Variants in CFAP99 observed in about 807,000 individuals in gnomAD.
CFAP99 encodes the protein cilia- and flagella-associated protein 99.
CFAP99 carries 84 observed loss-of-function variants against 82.7 expected under a neutral mutation model. The observed-to-expected ratio is 1.02, with a 90% CI of 0.85 to 1.22. The LOEUF is 1.22. Among genes scored for constraint, CFAP99 ranks in the 50% most tolerant of loss-of-function variants. The probability of loss-of-function intolerance (pLI) is 0.00; values close to 1 mark genes in which losing one functional copy is unlikely to be tolerated. For missense variants in CFAP99, 1,059 were observed against 983.5 expected (o/e 1.08, Z -1.03); for synonymous variants, 456 against 429.5 (o/e 1.06, Z -0.76).
chr4:2,450,866 G>A (rs1734283366), intron 8 of CFAP99, 81 bp from the exon 9 acceptor site: 1 of 1,229,116 alleles, frequency 8.1e-7, no homozygotes, highest in Admixed American at 2.0e-5. Context: ...AGGGTGCTGG[G>A]CCAGCATCCA....
rs1734258264 is a variant in CFAP99, at chr4:2,449,767, C to G, written c.723+17C>G. The G allele has an allele frequency of 1.3e-6, 2 of 1,535,964 alleles. No individual in the cohort carries two copies. The highest frequency in any genetic ancestry group is 1.7e-6 in the Non-Finnish European group (2 of 1,146,714). On this transcript the variant is annotated intron_variant, in intron 7 of 14. Transcript: ENST00000635017. ...AAGGCCGAGGTGAGCTGTGTGCGACCCCTGCCTTCCTAGAGACCCCATATG... is the reference window on the plus strand; with the variant it reads ...AAGGCCGAGGTGAGCTGTGTGCGACGCCTGCCTTCCTAGAGACCCCATATG...
intron 5 of CFAP99, 21 bp downstream of exon 5, chr4:2,443,263 TG>T (rs1281591424): frequency 1.4e-6 from 2 of 1,473,988 alleles, no homozygotes; most frequent in African/African-American, 1.4e-5. Context: ...TGGGGGGCTC[TG>T]GGGGCCCTGA....
At chr4:2,456,542 G>A (rs1297926926) in intron 11 of CFAP99, among the ~76,000 whole-genome samples, 2 of 152,160 alleles carry the variant, frequency 1.3e-5, no homozygotes, top group South Asian at 2.1e-4. Flanking sequence ...TTTTTGAGAC[G>A]GAGTTTCACT....
chr4:2,425,898 C>T (rs2108708949), intron 1 of CFAP99, among the ~76,000 whole-genome samples: 1 of 152,252 alleles, frequency 6.6e-6, no homozygotes, highest in East Asian at 1.9e-4. Flanking sequence ...CCCTGTTCCC[C>T]CATCGTCAGG....
intron 14 of CFAP99, among the ~76,000 whole-genome samples, chr4:2,460,808 G>A (rs2108738186): frequency 6.6e-6 from 1 of 152,206 alleles, no homozygotes; most frequent in African/African-American, 2.4e-5. Flanking sequence ...GGAGTGCAGT[G>A]GCGCAATCTC....
chr4:2,418,984 G>C lies in CFAP99; in HGVS notation c.-127G>C, dbSNP rs1253357765. On this transcript the variant is annotated 5_prime_UTR_variant, in exon 1 of 15. Coordinates refer to ENST00000635017, the Ensembl canonical transcript of CFAP99. This position sits in a 1 kb window ranked among gnomAD's most constrained non-coding sequence, Gnocchi z 4.6. ...AACAGCCGCGGCGTCCTGCCTACCG[G>C]GAGCTGACGGACGACGACTGCCAAC... 6.6e-6 allele frequency: 1 copy of C among 152,160 alleles called. No individual in the cohort carries two copies. The allele number at this position is 152,160 out of a possible 1,614,324, so 9.4% of individuals were successfully genotyped here.
At chr4:2,433,433 G>C (rs1049530874) in intron 2 of CFAP99, among the ~76,000 whole-genome samples, 1 of 151,080 alleles carries the variant, frequency 6.6e-6, no homozygotes, top group Non-Finnish European at 1.5e-5. Flanking sequence ...GGGGCGGGGG[G>C]GGGACCAGTG....
chr4:2,434,835 GCC>G (rs1394071162), intron 2 of CFAP99, among the ~76,000 whole-genome samples: 2 of 152,230 alleles, frequency 1.3e-5, no homozygotes, highest in African/African-American at 4.8e-5. Context: ...CAGGCCTCCA[GCC>G]CCTGCACTGC....
In CFAP99 at chr4:2,452,355, C is replaced by T. The variant is rs1234352631; in HGVS notation, c.1161+9C>T. The T allele has an allele frequency of 3.9e-6, 6 of 1,532,462 alleles. No individual in the cohort carries two copies. The highest frequency in any genetic ancestry group is 2.0e-5 in the Admixed American group (1 of 50,958). The allele number at this position is 1,532,462 out of a possible 1,614,324, so 94.9% of individuals were successfully genotyped here. On this transcript the variant is annotated intron_variant, in intron 11 of 14. Transcript: ENST00000635017. ...AGCAGCAGAAGGAGCAGGTGGGTGC[C>T]ATGCAGGGCAGCTGGGCATGGGGCA... is the stretch of plus-strand genomic sequence containing the variant.
At chr4:2,437,947 A>G (rs1175136596) in intron 3 of CFAP99, 123 bp from the exon 4 acceptor site, 2 of 601,914 alleles carry the variant, frequency 3.3e-6, no homozygotes, top group East Asian at 5.7e-5. Flanking sequence ...GTGGGCACCA[A>G]TAGGGTGGGG....
chr4:2,434,387 G>T (rs1733865652), intron 2 of CFAP99, among the ~76,000 whole-genome samples: 1 of 152,342 alleles, frequency 6.6e-6, no homozygotes, highest in African/African-American at 2.4e-5. Context: ...ATATGTGGAG[G>T]TTGAGAAGAT....
Position 2,462,870 on chromosome 4 carries a change from G to T in CFAP99, c.2089G>T (p.Ala697Ser). The change falls in exon 15 of 15, where the codon GCG becomes TCG. Residue 697 changes from alanine to serine, a missense_variant. By Grantham distance (99) the Ala-to-Ser change is moderately conservative (BLOSUM62 1). Coordinates refer to ENST00000635017, the Ensembl canonical transcript of CFAP99. The surrounding 1 kb of genome is among the most constrained non-coding windows in gnomAD (Gnocchi z 4.1). ...GCGGAGCCGCGAGCGCAGGCTGCAG[G>T]CGCTGCAGCAGGGAGGCTCAGGACC... 7.2e-7 allele frequency: 1 copy of T among 1,390,346 alleles called. No homozygotes were observed. Among genetic ancestry groups the T allele is most frequent in the Non-Finnish European group, 9.3e-7 (1 of 1,071,838 alleles). The allele number at this position is 1,390,346 out of a possible 1,614,324, so 86.1% of individuals were successfully genotyped here. A position where few individuals can be genotyped will look rare whatever the true frequency, so the allele number is the denominator to read the frequency against.
chr4:2,422,442 T>TG (rs1733603749), intron 1 of CFAP99, among the ~76,000 whole-genome samples: 1 of 152,126 alleles, frequency 6.6e-6, no homozygotes, highest in Non-Finnish European at 1.5e-5. Flanking sequence ...CGCCCTGGAT[T>TG]GGGGGGCGGG....
At chr4:2,435,158 G>A (rs1034964248) in intron 2 of CFAP99, among the ~76,000 whole-genome samples, 12 of 152,030 alleles carry the variant, frequency 7.9e-5, no homozygotes, top group Admixed American at 2.0e-4. Context: ...TTAGCCAGGC[G>A]TGGGTGGCTG....
chr4:2,441,641 T>C (rs1042251794), intron 4 of CFAP99, among the ~76,000 whole-genome samples: 3 of 152,192 alleles, frequency 2.0e-5, no homozygotes, highest in Non-Finnish European at 2.9e-5. Context: ...TCCATGTGAA[T>C]TGCCCACGTA....
chr4:2,440,614 G>A (rs952952495), intron 4 of CFAP99, among the ~76,000 whole-genome samples: 9 of 151,020 alleles, frequency 6.0e-5, no homozygotes, highest in Admixed American at 1.3e-4. Context: ...TTCTTTTGAG[G>A]TGGAGTCTCA....
At position 2,462,892 on chromosome 4, in the gene CFAP99, G is replaced by T; in HGVS notation, c.2111G>T (p.Gly704Val). 9 of 1,337,520 alleles carry T rather than the reference G, an allele frequency of 6.7e-6. No individual in the cohort carries two copies. Among genetic ancestry groups the T allele is most frequent in the Non-Finnish European group, 8.6e-6 (9 of 1,048,630 alleles). 82.9% of individuals were successfully genotyped at this position (1,337,520 alleles called of 1,614,324 possible). A position where few individuals can be genotyped will look rare whatever the true frequency, so the allele number is the denominator to read the frequency against. ...CAGGCGCTGCAGCAGGGAGGCTCAG[G>T]ACCCGGGCCCGCGCGCCGCCTGGAG... Residue 704 changes from glycine (G) to valine (V), a missense_variant, in exon 15 of 15, where the codon GGA becomes GTA. Transcript: ENST00000635017. The surrounding 1 kb of genome is among the most constrained non-coding windows in gnomAD (Gnocchi z 4.1).
exon 2 of CFAP99, chr4:2,426,551 G>A: frequency 2.0e-6 from 3 of 1,536,052 alleles, no homozygotes; most frequent in Non-Finnish European, 2.6e-6. Flanking sequence ...GGACAACCCT[G>A]AGCAGTTCCT....
chr4:2,441,244 G>C (rs929154744), intron 4 of CFAP99, among the ~76,000 whole-genome samples: 2 of 151,468 alleles, frequency 1.3e-5, no homozygotes, highest in Admixed American at 6.6e-5. Context: ...ATGGTGGCAC[G>C]CGCCTATAAT....
Sources: gnomAD v4.1 joint callset for allele counts (sites outside exome capture counted in the v4.1 genomes callset) on GRCh38, gnomAD v4.1.1 for gene constraint, Gnocchi (gnomAD v3.1) non-coding constraint, MANE v1.5 for transcripts, NCBI Gene and HGNC (gene_info 2026-07-23, HGNC 2026-07-21) for gene names.